ZNF532: variants seen among roughly 807,000 people sequenced by gnomAD.
ZNF532 encodes the protein zinc finger protein 532.
A neutral mutation model predicts 89.3 loss-of-function variants in ZNF532; 22 were observed. The observed-to-expected ratio is 0.25, with a 90% confidence interval of 0.18 to 0.35. The LOEUF (loss-of-function observed/expected upper bound fraction) is 0.35, where lower values mean the gene tolerates loss of function less well. Ranked by LOEUF, ZNF532 falls within the 10% of genes least tolerant of loss-of-function variation. The probability of loss-of-function intolerance (pLI) is 1.00; values close to 1 mark genes in which losing one functional copy is unlikely to be tolerated. For synonymous variants in ZNF532, 606 were observed against 649.6 expected, an observed-to-expected ratio of 0.93 and a Z score of 1.02; for missense variants, 1,132 against 1,643.4, an observed-to-expected ratio of 0.69 and a Z score of 5.38.
At chr18:58,958,652 C>T (rs2065031876) in intron 7 of ZNF532, among the ~76,000 whole-genome samples, 1 of 152,224 alleles carries the variant, frequency 6.6e-6, no homozygotes, top group Non-Finnish European at 1.5e-5. Flanking sequence ...TGGATTGTTA[C>T]TTGCACATAT....
chr18:58,931,473 C>T (rs1489744568), intron 3 of ZNF532, among the ~76,000 whole-genome samples: 1 of 152,164 alleles, frequency 6.6e-6, no homozygotes, highest in Non-Finnish European at 1.5e-5. Context: ...GAAAATGCAT[C>T]ACCACTATCA....
chr18:58,941,321 T>G (rs2063000271), intron 5 of ZNF532, among the ~76,000 whole-genome samples: 1 of 152,178 alleles, frequency 6.6e-6, no homozygotes, highest in Non-Finnish European at 1.5e-5. Context: ...AAAATTTGAT[T>G]GTCAGAAATG....
intron 4 of ZNF532, among the ~76,000 whole-genome samples, chr18:58,937,049 T>C (rs2062538157): frequency 6.6e-6 from 1 of 152,236 alleles, no homozygotes; most frequent in African/African-American, 2.4e-5. Context: ...GTAAAAGTTA[T>C]ATATTGATAA....
chr18:58,951,929 G>C (rs564829818), intron 6 of ZNF532, among the ~76,000 whole-genome samples: 2 of 152,102 alleles, frequency 1.3e-5, no homozygotes, highest in Non-Finnish European at 2.9e-5. Context: ...GATTACAGGC[G>C]TGAGCCACTG....
At position 58,920,623 on chromosome 18, in the gene ZNF532, C is replaced by G. The variant is rs1057442703; in HGVS notation, c.2336C>G (p.Thr779Arg). Residue 779 changes from threonine to arginine, a missense_variant, in exon 3 of 10, where the codon ACG becomes AGG. Transcript: ENST00000591808. ...LATHFQQAAD[T>R]SGQKTCTICQ... ...ACACATTTCCAGCAGGCTGCAGATA[C>G]GAGTGGACAAGTAGAGTATCATTTA... 6.3e-7 allele frequency: 1 copy of G among 1,584,974 alleles called. No homozygotes were observed. The highest frequency in any genetic ancestry group is 8.6e-7 in the Non-Finnish European group (1 of 1,162,532).
chr18:58,884,932 G>C (rs1322325366), intron 2 of ZNF532, among the ~76,000 whole-genome samples: 5 of 150,344 alleles, frequency 3.3e-5, no homozygotes, highest in African/African-American at 1.2e-4. Flanking sequence ...GACCGTTTCA[G>C]TATTTCTATA....
At chr18:58,936,984 CT>C (rs746200213) in intron 4 of ZNF532, among the ~76,000 whole-genome samples, 1 of 152,160 alleles carries the variant, frequency 6.6e-6, no homozygotes, top group Non-Finnish European at 1.5e-5. Context: ...TCTCCTCTTG[CT>C]CATATTACAT....
chr18:58,919,516 C>T lies in ZNF532; in HGVS notation c.1229C>T (p.Pro410Leu). Reference protein sequence around the residue: ...MASVTSLLSSPASAAVLSSPP... With the variant: ...MASVTSLLSSLASAAVLSSPP... Reference sequence around the variant, plus strand: ...TCTGTGACATCCCTTCTGTCGTCTCCAGCATCAGCCGCCGTCCTTTCCTCT... The same window carrying T: ...TCTGTGACATCCCTTCTGTCGTCTCTAGCATCAGCCGCCGTCCTTTCCTCT... Residue 410 changes from proline to leucine, a missense_variant, in exon 3 of 10, where the codon CCA (proline) becomes CTA (leucine). Coordinates refer to ENST00000591808, the MANE Select transcript of ZNF532 (RefSeq NM_001375912.1). This position sits in a 1 kb window ranked among gnomAD's most constrained non-coding sequence, Gnocchi z 6.1. 1.3e-5 allele frequency: 21 copies of T among 1,614,148 alleles called. No homozygotes were observed. The highest frequency in any genetic ancestry group is 1.8e-5 in the Non-Finnish European group (21 of 1,180,026).
chr18:58,935,624 C>G (rs1376716838), intron 4 of ZNF532, among the ~76,000 whole-genome samples: 1 of 149,520 alleles, frequency 6.7e-6, no homozygotes, highest in Non-Finnish European at 1.5e-5. Context: ...TCTGGCAAAT[C>G]TAATGTTAGC....
At chr18:58,973,332 G>C (rs764918523) in intron 7 of ZNF532, among the ~76,000 whole-genome samples, 2 of 152,164 alleles carry the variant, frequency 1.3e-5, no homozygotes, top group Non-Finnish European at 2.9e-5. Flanking sequence ...TGAACTCCTG[G>C]CCTCAAGTGG....
At chr18:58,898,589 G>GC (rs2059395760) in intron 2 of ZNF532, among the ~76,000 whole-genome samples, 1 of 152,172 alleles carries the variant, frequency 6.6e-6, no homozygotes, top group Non-Finnish European at 1.5e-5. Context: ...CCCGGAGTCT[G>GC]CCCCGGCAGC....
intron 7 of ZNF532, among the ~76,000 whole-genome samples, chr18:58,960,674 T>C (rs1389194028): frequency 6.6e-6 from 1 of 152,202 alleles, no homozygotes. Context: ...TCAGCAAAAC[T>C]GTTGACAGAT....
At position 58,948,288 on chromosome 18, in the gene ZNF532, A is replaced by G. The variant is rs564671362; in HGVS notation, c.2868+59A>G. The stretch of plus-strand genomic sequence containing the variant: ...TTGCAGATCCATTCATTGGTCATAA[A>G]TCAAGGCTGAGCTGCAGGTGACTCT... On this transcript the variant is annotated intron_variant, in intron 6 of 9. Coordinates refer to ENST00000591808, the MANE Select transcript of ZNF532 (RefSeq NM_001375912.1). 722 of 1,523,308 alleles carry G rather than the reference A, an allele frequency of 4.7e-4. 2 individuals carry two copies. The highest frequency in any genetic ancestry group is 5.6e-4 in the Non-Finnish European group (630 of 1,127,070). The allele number at this position is 1,523,308 out of a possible 1,614,324, so 94.4% of individuals were successfully genotyped here.
At position 58,985,957 on chromosome 18, in the gene ZNF532, CTG is replaced by C; in HGVS notation, c.*1494_*1495del. The C allele has an allele frequency of 6.6e-6, 1 of 152,564 alleles. No individual in the cohort carries two copies. The highest frequency in any genetic ancestry group is 1.5e-5 in the Non-Finnish European group (1 of 68,036). The allele number at this position is 152,564 out of a possible 1,614,324, so 9.5% of individuals were successfully genotyped here. A position where few individuals can be genotyped will look rare whatever the true frequency, so the allele number is the denominator to read the frequency against. On this transcript the variant is annotated 3_prime_UTR_variant, in exon 10 of 10. Coordinates refer to ENST00000591808, the MANE Select transcript of ZNF532 (RefSeq NM_001375912.1). Reference sequence around the variant, plus strand: ...CGTGGGACATTTGGCCCTTGTGCTTCTGTGAGAGAATTATTGATGGTGGGTCT... The same window carrying C: ...CGTGGGACATTTGGCCCTTGTGCTTCTGAGAGAATTATTGATGGTGGGTCT...
At chr18:58,911,659 C>T (rs2060290881) in intron 2 of ZNF532, among the ~76,000 whole-genome samples, 1 of 152,198 alleles carries the variant, frequency 6.6e-6, no homozygotes, top group Non-Finnish European at 1.5e-5. Flanking sequence ...TGCACTCCAG[C>T]CTGGACAGCA....
At chr18:58,898,085 C>T (rs2059365471) in intron 2 of ZNF532, among the ~76,000 whole-genome samples, 1 of 152,004 alleles carries the variant, frequency 6.6e-6, no homozygotes, top group East Asian at 1.9e-4. Context: ...ATCATAATTC[C>T]CTTAGGCAGT....
intron 7 of ZNF532, among the ~76,000 whole-genome samples, chr18:58,959,257 TTTGTTTTTTTTTG>T (rs2147156710): frequency 6.9e-6 from 1 of 144,162 alleles, no homozygotes; most frequent in East Asian, 2.1e-4. Flanking sequence ...TTTTTTGTTT[TTTGTTTTTTTTTG>T]TTTTTTTTTG....
At chr18:58,942,231 C>T (rs552794744) in intron 5 of ZNF532, among the ~76,000 whole-genome samples, 75 of 151,290 alleles carry the variant, frequency 5.0e-4, no homozygotes, top group African/African-American at 1.5e-3. Context: ...ACCGTGTTAG[C>T]CAGGATGGTC....
chr18:58,945,319 A>G (rs1022307637), intron 5 of ZNF532, among the ~76,000 whole-genome samples: 2 of 152,154 alleles, frequency 1.3e-5, no homozygotes, highest in Admixed American at 6.5e-5. Context: ...CTTTTCTCAA[A>G]GGATCACTCT....
Sources: gnomAD v4.1 joint callset for allele counts (sites outside exome capture counted in the v4.1 genomes callset) on GRCh38, gnomAD v4.1.1 for gene constraint, Gnocchi (gnomAD v3.1) non-coding constraint, MANE v1.5 for transcripts, NCBI Gene and HGNC (gene_info 2026-07-23, HGNC 2026-07-21) for gene names.